The following RBFOX3 variants were observed in gnomAD, a reference collection of about 807,000 sequenced individuals.
The protein encoded by RBFOX3 is RNA binding fox-1 homolog 3.
A neutral mutation model predicts 48.7 loss-of-function variants in RBFOX3; 17 were observed. The observed-to-expected ratio is 0.35, with a 90% confidence interval of 0.24 to 0.52. The LOEUF is 0.52. RBFOX3 is among the 20% of genes least tolerant of loss of function. RBFOX3 has a pLI of 0.94. For synonymous variants in RBFOX3, 212 were observed against 209.5 expected (o/e 1.01, Z -0.10); for missense variants, 382 against 497.5 (o/e 0.77, Z 2.21).
intron 2 of RBFOX3, among the ~76,000 whole-genome samples, chr17:79,403,327 G>A (rs901965931): frequency 8.5e-5 from 13 of 152,174 alleles, no homozygotes; most frequent in South Asian, 4.1e-4. Flanking sequence ...GCCAGGTCCC[G>A]GCAGCAGGGC....
At chr17:79,637,746 G>GGGAGA in the RBFOX3 span, among the ~76,000 whole-genome samples, 2 of 123,370 alleles carry the variant, frequency 1.6e-5, no homozygotes, top group South Asian at 3.2e-4. Context: ...GGGAGGGGAG[G>GGGAGA]GGAGAGGAGA....
chr17:79,484,852 C>G (rs1377305315), intron 1 of RBFOX3, among the ~76,000 whole-genome samples: 3 of 152,182 alleles, frequency 2.0e-5, no homozygotes, highest in African/African-American at 7.2e-5. Context: ...TCCACACCCC[C>G]ACAGCCCCAG....
At chr17:79,387,341 C>T (rs1459657307) in intron 2 of RBFOX3, among the ~76,000 whole-genome samples, 1 of 152,202 alleles carries the variant, frequency 6.6e-6, no homozygotes, top group East Asian at 1.9e-4. Flanking sequence ...AAAATCGGTC[C>T]TATTATTCTA....
chr17:79,357,606 G>C (rs969204827), intron 2 of RBFOX3, among the ~76,000 whole-genome samples: 23 of 151,946 alleles, frequency 1.5e-4, no homozygotes, highest in Non-Finnish European at 1.3e-4. Flanking sequence ...ACTCCAGCCT[G>C]GGCGACAGAG....
intron 3 of RBFOX3, among the ~76,000 whole-genome samples, chr17:79,244,997 C>G (rs566328967): frequency 3.4e-5 from 5 of 149,014 alleles, no homozygotes; most frequent in African/African-American, 9.9e-5. Flanking sequence ...TCCTTCCTCC[C>G]TTTTCTTTTC....
chr17:79,150,469 A>G (rs1485122037), intron 4 of RBFOX3, among the ~76,000 whole-genome samples: 1 of 152,074 alleles, frequency 6.6e-6, no homozygotes, highest in Non-Finnish European at 1.5e-5. Context: ...CAGTGCCTCA[A>G]CCTCACCCTG....
chr17:79,303,851 CTGTGTGTG>C (rs34981785), intron 3 of RBFOX3, among the ~76,000 whole-genome samples: 12 of 147,876 alleles, frequency 8.1e-5, no homozygotes, highest in Admixed American at 2.7e-4. Context: ...GCATGTCTGC[CTGTGTGTG>C]TGTGTGTGTG....
At chr17:79,430,135 G>A (rs1362044281) in intron 2 of RBFOX3, among the ~76,000 whole-genome samples, 2 of 152,164 alleles carry the variant, frequency 1.3e-5, no homozygotes, top group Non-Finnish European at 2.9e-5. Flanking sequence ...ACAGGGGCCA[G>A]CCAGCCGTCG....
chr17:79,530,168 T>G (rs2087497879), intron 1 of RBFOX3, among the ~76,000 whole-genome samples: 1 of 152,176 alleles, frequency 6.6e-6, no homozygotes, highest in African/African-American at 2.4e-5. Flanking sequence ...GTGAGTTTTC[T>G]TCGTTCTCAC....
At chr17:79,543,647 C>A (rs564435711) in intron 1 of RBFOX3, among the ~76,000 whole-genome samples, 1 of 152,260 alleles carries the variant, frequency 6.6e-6, no homozygotes, top group South Asian at 2.1e-4. Context: ...AAACAAACAG[C>A]GAGCGAGGTA....
At chr17:79,211,206 C>T (rs901411572) in intron 4 of RBFOX3, among the ~76,000 whole-genome samples, 4 of 152,348 alleles carry the variant, frequency 2.6e-5, no homozygotes, top group Admixed American at 1.3e-4. Flanking sequence ...GCAGCACGGC[C>T]CGATGCGGGC....
At chr17:79,658,298 C>G in the RBFOX3 span, among the ~76,000 whole-genome samples, 1 of 145,642 alleles carries the variant, frequency 6.9e-6, no homozygotes, top group East Asian at 2.0e-4. Context: ...CCACCCTTCC[C>G]TCTCTCCCTC....
chr17:79,276,240 G>A (rs556907988), intron 3 of RBFOX3, among the ~76,000 whole-genome samples: 1 of 152,288 alleles, frequency 6.6e-6, no homozygotes, highest in Admixed American at 6.5e-5. Context: ...GACTCTGGTG[G>A]GTCAAGGTTA....
intron 4 of RBFOX3, among the ~76,000 whole-genome samples, chr17:79,217,958 G>A (rs903031528): frequency 1.1e-4 from 17 of 152,066 alleles, no homozygotes; most frequent in African/African-American, 3.9e-4. Flanking sequence ...GTGTTACGAA[G>A]GTGAGATTTG....
intron 1 of RBFOX3, among the ~76,000 whole-genome samples, chr17:79,555,190 C>A (rs1281348459): frequency 6.6e-6 from 1 of 152,248 alleles, no homozygotes; most frequent in African/African-American, 2.4e-5. Context: ...GTAAAAATCA[C>A]ATGGGTGATA....
intron 4 of RBFOX3, among the ~76,000 whole-genome samples, chr17:79,196,084 T>C (rs934638773): frequency 1.2e-4 from 18 of 152,058 alleles, no homozygotes; most frequent in South Asian, 4.2e-4. Flanking sequence ...TCCCATCTCG[T>C]TGGATGGAGA....
intron 2 of RBFOX3, among the ~76,000 whole-genome samples, chr17:79,321,623 A>G (rs2078532526): frequency 6.6e-6 from 1 of 152,040 alleles, no homozygotes; most frequent in African/African-American, 2.4e-5. Context: ...GTGAGTCTTC[A>G]GCAGGCACAG....
the RBFOX3 span, among the ~76,000 whole-genome samples, chr17:79,663,360 A>G: frequency 1.3e-5 from 2 of 152,074 alleles, no homozygotes; most frequent in Non-Finnish European, 2.9e-5. Context: ...CAGATTTCAG[A>G]CTCTTAATGC....
chr17:79,645,692 C>T, the RBFOX3 span, among the ~76,000 whole-genome samples: 1 of 152,240 alleles, frequency 6.6e-6, no homozygotes, highest in Non-Finnish European at 1.5e-5. Context: ...CCCTTAAACA[C>T]TTGCTGCCTG....
Sources: allele counts gnomAD v4.1 joint callset (sites outside exome capture counted in the v4.1 genomes callset), GRCh38; gene constraint gnomAD v4.1.1; transcripts MANE v1.5; gene names NCBI Gene and HGNC (gene_info 2026-07-23, HGNC 2026-07-21).